The following GRIK1 variants were observed in gnomAD, a reference collection of about 807,000 sequenced individuals.
GRIK1 encodes the protein glutamate receptor ionotropic, kainate 1.
In GRIK1, 69 loss-of-function variants were observed where a neutral mutation model predicts 105.7. The observed-to-expected ratio is 0.65, with a 90% CI of 0.54 to 0.80. GRIK1 has a LOEUF of 0.80. Among genes scored for constraint, GRIK1 ranks in the 30% least tolerant of loss-of-function variants. The pLI is 0.00. For synonymous variants in GRIK1, 438 were observed against 431.3 expected (o/e 1.02, Z -0.19); for missense variants, 1,109 against 1,167.3 (o/e 0.95, Z 0.73).
At chr21:29,891,286 A>G (rs1206777439) in intron 1 of GRIK1, among the ~76,000 whole-genome samples, 1 of 152,190 alleles carries the variant, frequency 6.6e-6, no homozygotes, top group East Asian at 1.9e-4. Flanking sequence ...ATTCAGTATC[A>G]TCGAGAATCT....
chr21:29,797,414 G>C (rs2066589438), intron 1 of GRIK1, among the ~76,000 whole-genome samples: 1 of 152,110 alleles, frequency 6.6e-6, no homozygotes, highest in Admixed American at 6.6e-5. Context: ...GTGATATTTG[G>C]CTTCTGTTTC....
At chr21:29,756,110 G>T (rs112520875) in intron 1 of GRIK1, among the ~76,000 whole-genome samples, 1,882 of 152,322 alleles carry the variant, frequency 0.012, 43 homozygotes, top group African/African-American at 0.043. Context: ...GGCCGGGCGC[G>T]GTGGCTCACG....
intron 7 of GRIK1, among the ~76,000 whole-genome samples, chr21:29,608,020 A>T (rs1468401862): frequency 6.6e-6 from 1 of 152,098 alleles, no homozygotes; most frequent in African/African-American, 2.4e-5. Flanking sequence ...TAATCTTGGG[A>T]TATCTGGGTT....
intron 1 of GRIK1, among the ~76,000 whole-genome samples, chr21:29,898,465 C>A (rs965164361): frequency 6.6e-6 from 1 of 152,072 alleles, no homozygotes; most frequent in Non-Finnish European, 1.5e-5. Context: ...GTAAGTCATG[C>A]CAGAGACACT....
chr21:29,804,781 T>C (rs755151235), intron 1 of GRIK1, among the ~76,000 whole-genome samples: 4 of 152,178 alleles, frequency 2.6e-5, no homozygotes, highest in African/African-American at 7.2e-5. Context: ...AAAAGAAAGG[T>C]ATCTGTGGGA....
chr21:29,745,976 C>T (rs3787675), intron 1 of GRIK1, among the ~76,000 whole-genome samples: 6,364 of 151,974 alleles, frequency 0.042, 255 homozygotes, highest in East Asian at 0.1. Context: ...TGGTGGCGGG[C>T]GCCTGTAGTC....
chr21:29,664,511 A>C (rs363519), intron 4 of GRIK1, among the ~76,000 whole-genome samples: 9,979 of 152,162 alleles, frequency 0.066, 841 homozygotes, highest in East Asian at 0.2. Flanking sequence ...AATCACCTGA[A>C]CCTTCACTAA....
intron 7 of GRIK1, among the ~76,000 whole-genome samples, chr21:29,635,635 T>A (rs959063513): frequency 6.6e-6 from 1 of 152,072 alleles, no homozygotes; most frequent in African/African-American, 2.4e-5. Flanking sequence ...GACCAATTGG[T>A]TTTTTGGCTG....
chr21:29,938,858 T>C (rs946140528), intron 1 of GRIK1, among the ~76,000 whole-genome samples: 20 of 141,554 alleles, frequency 1.4e-4, no homozygotes, highest in African/African-American at 4.9e-4. Flanking sequence ...GAATCCAACT[T>C]AGGCATAAAA....
At chr21:29,912,484 G>A (rs1000087216) in intron 1 of GRIK1, among the ~76,000 whole-genome samples, 1 of 151,912 alleles carries the variant, frequency 6.6e-6, no homozygotes. Flanking sequence ...ACCAAAAATC[G>A]GCCAGAAGCC....
At chr21:29,546,988 C>T (rs2090060294) in intron 16 of GRIK1, among the ~76,000 whole-genome samples, 1 of 152,192 alleles carries the variant, frequency 6.6e-6, no homozygotes, top group South Asian at 2.1e-4. Context: ...CACTAAGTTA[C>T]ACTTACAGAA....
intron 4 of GRIK1, among the ~76,000 whole-genome samples, chr21:29,666,689 T>C (rs2063065346): frequency 6.6e-6 from 1 of 152,240 alleles, no homozygotes; most frequent in Non-Finnish European, 1.5e-5. Context: ...GGACATTTGA[T>C]ACAATTCACA....
At chr21:29,772,415 T>A (rs952629973) in intron 1 of GRIK1, among the ~76,000 whole-genome samples, 1 of 152,206 alleles carries the variant, frequency 6.6e-6, no homozygotes, top group Non-Finnish European at 1.5e-5. Context: ...TTGAAGCTAA[T>A]TTCTAACTTT....
chr21:29,838,411 T>C (rs1200831011), intron 1 of GRIK1, among the ~76,000 whole-genome samples: 1 of 152,160 alleles, frequency 6.6e-6, no homozygotes, highest in Non-Finnish European at 1.5e-5. Flanking sequence ...ATCTTGTTTG[T>C]ACTGAAAAAA....
intron 1 of GRIK1, among the ~76,000 whole-genome samples, chr21:29,709,278 CTTTTTTTT>C (rs35378548): frequency 3.9e-5 from 5 of 127,906 alleles, no homozygotes; most frequent in Admixed American, 2.4e-4. Flanking sequence ...TACTCTTCTT[CTTTTTTTT>C]TTTTTTTTTT....
intron 15 of GRIK1, among the ~76,000 whole-genome samples, chr21:29,560,326 T>TC (rs1491184839): frequency 8.1e-6 from 1 of 122,908 alleles, no homozygotes; most frequent in Non-Finnish European, 1.6e-5. Flanking sequence ...TTTCTTTCTT[T>TC]CTTTCTTTCT....
At chr21:29,930,359 A>G (rs2071524915) in intron 1 of GRIK1, among the ~76,000 whole-genome samples, 1 of 152,212 alleles carries the variant, frequency 6.6e-6, no homozygotes, top group Non-Finnish European at 1.5e-5. Context: ...ACATTTTAGA[A>G]GTTTAAAATT....
chr21:29,681,492 G>A (rs574048444), intron 3 of GRIK1, among the ~76,000 whole-genome samples: 1 of 152,276 alleles, frequency 6.6e-6, no homozygotes, highest in African/African-American at 2.4e-5. Flanking sequence ...TGTTCTGTCT[G>A]ACTAGAACCG....
intron 6 of GRIK1, among the ~76,000 whole-genome samples, chr21:29,650,439 C>T (rs1429666172): frequency 6.6e-6 from 1 of 152,166 alleles, no homozygotes; most frequent in African/African-American, 2.4e-5. Context: ...TTCTTCAGCA[C>T]CCAGGGAGCT....
Sources: gnomAD v4.1 joint callset for allele counts (sites outside exome capture counted in the v4.1 genomes callset) on GRCh38, gnomAD v4.1.1 for gene constraint, MANE v1.5 for transcripts, NCBI Gene and HGNC (gene_info 2026-07-23, HGNC 2026-07-21) for gene names.